The following CILK1 variants were observed in gnomAD, a reference collection of about 807,000 sequenced individuals.
CILK1 encodes the protein ciliogenesis associated kinase 1.
A neutral mutation model predicts 79.2 loss-of-function variants in CILK1; 47 were observed. The ratio of observed to expected loss-of-function variants is 0.59; its 90% CI spans 0.47 to 0.76. The LOEUF is 0.76. Among genes scored for constraint, CILK1 ranks in the 30% least tolerant of loss-of-function variants. The pLI is 0.00. For synonymous variants in CILK1, 266 were observed against 275.9 expected, an observed-to-expected ratio of 0.96 and a Z score of 0.36; for missense variants, 660 against 769.5, an observed-to-expected ratio of 0.86 and a Z score of 1.68.
At position 53,032,520 on chromosome 6, in the gene CILK1, G is replaced by T; in HGVS notation, c.278+13C>A. On this transcript the variant is annotated intron_variant, in intron 4 of 13. Coordinates refer to ENST00000676107, the MANE Select transcript of CILK1 (RefSeq NM_014920.5). Reference sequence around the variant, plus strand: ...TTTATTTCTATAATAAGATAATGATGACCAAACTGTACCTCTCTTTAATGA... The same window carrying T: ...TTTATTTCTATAATAAGATAATGATTACCAAACTGTACCTCTCTTTAATGA... 4 of 1,574,334 alleles carry T rather than the reference G, an allele frequency of 2.5e-6. No individual in the cohort carries two copies. In the South Asian group the frequency reaches 4.8e-5, roughly 19 times the overall value.
intron 11 of CILK1, among the ~76,000 whole-genome samples, chr6:53,011,363 C>T (rs182703747): frequency 1.2e-4 from 19 of 152,200 alleles, no homozygotes; most frequent in South Asian, 1.2e-3. Context: ...TTTGGGAGGC[C>T]GAGGCTGGTG....
At chr6:53,010,501 G>A (rs755057704) in intron 11 of CILK1, among the ~76,000 whole-genome samples, 2 of 152,154 alleles carry the variant, frequency 1.3e-5, no homozygotes, top group Non-Finnish European at 2.9e-5. Flanking sequence ...ACTTCTCATC[G>A]CTCATGAAGC....
chr6:53,014,340 A>G (rs1170712351), intron 8 of CILK1, among the ~76,000 whole-genome samples: 1 of 152,230 alleles, frequency 6.6e-6, no homozygotes, highest in African/African-American at 2.4e-5. Context: ...TCCACAGAAG[A>G]AGAAAAAAAT....
At chr6:53,038,991 A>C (rs1010799304) in intron 2 of CILK1, among the ~76,000 whole-genome samples, 1 of 152,236 alleles carries the variant, frequency 6.6e-6, no homozygotes, top group Non-Finnish European at 1.5e-5. Flanking sequence ...GAGGAAACAG[A>C]AACAGAGAAG....
At chr6:53,020,772 T>C (rs1463213486) in intron 5 of CILK1, among the ~76,000 whole-genome samples, 2 of 152,244 alleles carry the variant, frequency 1.3e-5, no homozygotes, top group African/African-American at 4.8e-5. Flanking sequence ...ACACGATTCC[T>C]TGACAACCTG....
intron 5 of CILK1, among the ~76,000 whole-genome samples, chr6:53,020,418 C>T (rs1765160506): frequency 6.6e-6 from 1 of 152,194 alleles, no homozygotes; most frequent in Non-Finnish European, 1.5e-5. Flanking sequence ...GCTGCTGATG[C>T]TATTATTTGT....
At chr6:53,019,406 G>A (rs373499140) in intron 5 of CILK1, 47 bp from the exon 6 acceptor site, 26 of 1,606,660 alleles carry the variant, frequency 1.6e-5, no homozygotes, top group Admixed American at 1.7e-5. Context: ...AGTTTGCTTC[G>A]TATTATTCTT....
rs191596381 is a variant in CILK1 at position 53,021,154 on chromosome 6, T to C, written c.359-1795A>G. On this transcript the variant is annotated intron_variant, in intron 5 of 13. Transcript: ENST00000676107. ...CTGGCCAATATGGTGAAACACCATC[T>C]CTACTAAAAATATTTTAAAAATTAG... 5.0e-4 allele frequency among the ~76,000 whole-genome samples: 76 copies of C among 152,230 alleles called. 1 individual carries two copies. The South Asian group carries it at 6.0e-3, about 12-fold the overall frequency.
intron 1 of CILK1, among the ~76,000 whole-genome samples, chr6:53,046,090 A>G (rs941076061): frequency 2.0e-5 from 3 of 152,216 alleles, no homozygotes; most frequent in African/African-American, 4.8e-5. Context: ...GTCTATGCAC[A>G]TGAAATGAGT....
intron 5 of CILK1, among the ~76,000 whole-genome samples, chr6:53,021,220 G>A (rs577404203): frequency 3.3e-4 from 50 of 152,202 alleles, no homozygotes; most frequent in African/African-American, 1.1e-3. Flanking sequence ...AGCTACTCGG[G>A]AGGCTGAGGT....
At chr6:53,051,275 A>T (rs1767465319) in intron 1 of CILK1, among the ~76,000 whole-genome samples, 1 of 152,222 alleles carries the variant, frequency 6.6e-6, no homozygotes, top group African/African-American at 2.4e-5. Context: ...AAAATTTTTT[A>T]AACTATACAA....
intron 3 of CILK1, 123 bp from the exon 4 acceptor site, chr6:53,032,777 CTAAAT>C: frequency 1.4e-6 from 1 of 694,416 alleles, no homozygotes; most frequent in Non-Finnish European, 2.3e-6. Context: ...CAGAAATGTG[CTAAAT>C]TATATTTTAT....
At chr6:53,026,346 G>A (rs1437222541) in intron 5 of CILK1, among the ~76,000 whole-genome samples, 2 of 151,892 alleles carry the variant, frequency 1.3e-5, no homozygotes, top group African/African-American at 4.8e-5. Flanking sequence ...ACGGGGTTTC[G>A]CCATGTTGGT....
chr6:53,055,345 G>A lies in CILK1; in HGVS notation c.-173+6251C>T, dbSNP rs188186524. The stretch of plus-strand genomic sequence containing the variant: ...AAAAGGTACTAGAAATAGTATATCC[G>A]GGTTTATGTTTTTCTCCTGGACCTA... On this transcript the variant is annotated intron_variant, in intron 1 of 13. Coordinates refer to ENST00000676107, the MANE Select transcript of CILK1 (RefSeq NM_014920.5). 5.4e-4 allele frequency among the ~76,000 whole-genome samples: 82 copies of A among 152,258 alleles called. 1 individual carries two copies. The highest frequency in any genetic ancestry group is 4.8e-3 in the South Asian group (23 of 4,828).
intron 1 of CILK1, among the ~76,000 whole-genome samples, chr6:53,049,442 G>A (rs530595356): frequency 6.6e-6 from 1 of 152,314 alleles, no homozygotes; most frequent in East Asian, 1.9e-4. Flanking sequence ...AAAATAAGAT[G>A]CAAGTAAGAT....
At chr6:53,050,161 C>T (rs867726617) in intron 1 of CILK1, among the ~76,000 whole-genome samples, 8 of 152,026 alleles carry the variant, frequency 5.3e-5, no homozygotes, top group African/African-American at 1.2e-4. Flanking sequence ...AAGAAGCAGG[C>T]AAATATCAAA....
intron 3 of CILK1, 145 bp from the exon 4 acceptor site, chr6:53,032,799 T>C (rs1766057292): frequency 5.2e-6 from 3 of 578,262 alleles, no homozygotes; most frequent in Non-Finnish European, 8.8e-6. Flanking sequence ...TTATTGACAG[T>C]TTAATAGTAT....
intron 12 of CILK1, among the ~76,000 whole-genome samples, chr6:53,007,892 A>T (rs1764322723): frequency 6.6e-6 from 1 of 152,022 alleles, no homozygotes; most frequent in African/African-American, 2.4e-5. Flanking sequence ...GTGAGCCGAG[A>T]TCATGCCACT....
rs1766565480 is a variant in CILK1, at chr6:53,039,505, G to C, written c.102-1512C>G. Among the ~76,000 whole-genome samples, 4 of 152,306 alleles carry C rather than the reference G, an allele frequency of 2.6e-5. No individual in the cohort carries two copies. In the South Asian group the frequency reaches 8.3e-4, roughly 32 times the overall value. ...AGGAGCAGGAGACTGAGAAAAGAGA[G>C]GTAGGGAACCCAATAATGGGTGTAT... On this transcript the variant is annotated intron_variant, in intron 2 of 13. Coordinates refer to ENST00000676107, the MANE Select transcript of CILK1 (RefSeq NM_014920.5).
Sources: allele counts gnomAD v4.1 joint callset (sites outside exome capture counted in the v4.1 genomes callset), GRCh38; gene constraint gnomAD v4.1.1; transcripts MANE v1.5; gene names NCBI Gene and HGNC (gene_info 2026-07-23, HGNC 2026-07-21).